Variants in COIL observed in about 807,000 individuals in gnomAD.
COIL encodes coilin.
In COIL, 28 loss-of-function variants were observed where a neutral mutation model predicts 51.6. That is an observed-to-expected ratio of 0.54 (90% CI 0.40 to 0.74). The LOEUF is 0.74. Among genes scored for constraint, COIL ranks in the 30% least tolerant of loss-of-function variants. The pLI, the probability that COIL is intolerant of heterozygous loss-of-function variation, is 0.00. For missense variants in COIL, 667 were observed against 685.9 expected, an observed-to-expected ratio of 0.97 and a Z score of 0.31; for synonymous variants, 233 against 255.8, an observed-to-expected ratio of 0.91 and a Z score of 0.85.
intron 5 of COIL, among the ~76,000 whole-genome samples, chr17:56,943,090 G>C (rs1910178371): frequency 6.6e-6 from 1 of 152,084 alleles, no homozygotes; most frequent in African/African-American, 2.4e-5. Context: ...TTCTTTGTAA[G>C]AAACTTATCA....
In COIL at chr17:56,947,322, A is replaced by G. The variant is rs544512714; in HGVS notation, c.1489-811T>C. Among the ~76,000 whole-genome samples, 3 of 152,320 alleles carry G rather than the reference A, an allele frequency of 2.0e-5. No homozygotes were observed. In the South Asian group the frequency reaches 6.2e-4, roughly 32 times the overall value. The stretch of plus-strand genomic sequence containing the variant: ...TGAATAAAGCAGATGATCAAGCTGG[A>G]TAACTGCGTTTGAGGTCAAAGCAAA... On this transcript the variant is annotated intron_variant, in intron 4 of 6. Coordinates refer to ENST00000240316, the MANE Select transcript of COIL (RefSeq NM_004645.3).
chr17:56,955,413 T>C (rs74694610), intron 1 of COIL, among the ~76,000 whole-genome samples: 4,492 of 152,278 alleles, frequency 0.029, 218 homozygotes, highest in African/African-American at 0.1. Flanking sequence ...AGTGGTATTA[T>C]CAAAATCTAA....
intron 1 of COIL, among the ~76,000 whole-genome samples, chr17:56,956,364 A>G (rs1910482569): frequency 6.6e-6 from 1 of 152,096 alleles, no homozygotes; most frequent in Admixed American, 6.6e-5. Flanking sequence ...TAAGCCTCCC[A>G]ACTAGCTGGG....
chr17:56,943,719 G>A (rs1910190430), intron 5 of COIL, among the ~76,000 whole-genome samples: 1 of 152,186 alleles, frequency 6.6e-6, no homozygotes, highest in Admixed American at 6.5e-5. Flanking sequence ...AGAGCTAGCA[G>A]TACTTCATGC....
chr17:56,953,126 A>G (rs1910404298), intron 1 of COIL, among the ~76,000 whole-genome samples: 1 of 151,866 alleles, frequency 6.6e-6, no homozygotes, highest in African/African-American at 2.4e-5. Context: ...AAATACAAAC[A>G]TCAGGCTGGG....
intron 6 of COIL, among the ~76,000 whole-genome samples, chr17:56,941,614 G>A (rs973453649): frequency 6.6e-6 from 1 of 152,134 alleles, no homozygotes; most frequent in Non-Finnish European, 1.5e-5. Flanking sequence ...GGATAGTGGT[G>A]ACAGCAAGGG....
At chr17:56,957,371 G>A (rs573075320) in intron 1 of COIL, among the ~76,000 whole-genome samples, 2 of 152,158 alleles carry the variant, frequency 1.3e-5, no homozygotes, top group Admixed American at 1.3e-4. Context: ...TGTAATCCCA[G>A]CACTTTGGGA....
intron 1 of COIL, among the ~76,000 whole-genome samples, chr17:56,952,878 A>G (rs1056071841): frequency 6.6e-6 from 1 of 152,084 alleles, no homozygotes; most frequent in African/African-American, 2.4e-5. Flanking sequence ...TAGGAAAGCA[A>G]TTTTGTTCCT....
chr17:56,940,607 A>G (rs1910126770), intron 6 of COIL, among the ~76,000 whole-genome samples: 1 of 152,170 alleles, frequency 6.6e-6, no homozygotes, highest in Non-Finnish European at 1.5e-5. Flanking sequence ...AAATCCCTAA[A>G]AGTGTCATCT....
chr17:56,940,712 A>G (rs77904877), intron 6 of COIL, among the ~76,000 whole-genome samples: 3,657 of 152,286 alleles, frequency 0.024, 154 homozygotes, highest in African/African-American at 0.084. Context: ...TTACAGAATA[A>G]TATCTATAAC....
At chr17:56,944,103 G>A (rs1268626171) in intron 5 of COIL, among the ~76,000 whole-genome samples, 1 of 151,830 alleles carries the variant, frequency 6.6e-6, no homozygotes, top group Non-Finnish European at 1.5e-5. Flanking sequence ...CTGGGCTCAA[G>A]TGATCCTCCC....
intron 6 of COIL, among the ~76,000 whole-genome samples, chr17:56,941,622 G>C (rs2144390544): frequency 1.3e-5 from 2 of 152,292 alleles, no homozygotes; most frequent in Non-Finnish European, 2.9e-5. Context: ...GTGACAGCAA[G>C]GGGACATAAT....
Position 56,946,437 on chromosome 17 carries a change from C to CCTAATT in COIL, c.1558+4_1558+5insAATTAG. ...CATTTTCAAATTATTTTCTAAAAGA[C>CCTAATT]TCACCAGGTAAGGATGAAAGAATTT... On this transcript the variant is annotated splice_donor_region_variant and intron_variant, in intron 5 of 6. Transcript: ENST00000240316. 6.3e-7 allele frequency: 1 copy of CCTAATT among 1,588,080 alleles called. No homozygotes were observed. Among genetic ancestry groups the CCTAATT allele is most frequent in the Non-Finnish European group, 8.6e-7 (1 of 1,157,700 alleles).
At chr17:56,957,465 C>CA (rs1411027003) in intron 1 of COIL, among the ~76,000 whole-genome samples, 2 of 151,294 alleles carry the variant, frequency 1.3e-5, no homozygotes, top group Non-Finnish European at 3.0e-5. Flanking sequence ...ACTAAAAATA[C>CA]AAAAAAATTA....
At position 56,942,065 on chromosome 17, in the gene COIL, T is replaced by G. The variant is rs1198327251; in HGVS notation, c.1617A>C (p.Val539=). 6.2e-7 allele frequency: 1 copy of G among 1,614,172 alleles called. No homozygotes were observed. Among genetic ancestry groups the G allele is most frequent in the Non-Finnish European group, 8.5e-7 (1 of 1,179,998 alleles). ...LVYHNENGAE[V]VEYAVTQESK... is the part of the protein sequence containing the mutation. Reference sequence around the variant, plus strand: ...TCTCCTGTGTCACAGCGTACTCCACTACCTCGGCTCCATTTTCATTGTGAT... The same window carrying G: ...TCTCCTGTGTCACAGCGTACTCCACGACCTCGGCTCCATTTTCATTGTGAT... The change falls in exon 6 of 7, where the codon GTA becomes GTC. Residue 539 remains valine, a synonymous_variant. Transcript: ENST00000240316.
intron 4 of COIL, among the ~76,000 whole-genome samples, chr17:56,948,816 TAACA>T (rs1275308987): frequency 6.7e-6 from 1 of 149,792 alleles, no homozygotes; most frequent in Non-Finnish European, 1.5e-5. Context: ...TACTAGATCA[TAACA>T]ACCAGAAGTA....
chr17:56,960,856 GC>G lies in COIL; in HGVS notation c.163del (p.Ala55ProfsTer3), dbSNP rs1567856190. The G allele has an allele frequency of 6.2e-7, 1 of 1,613,278 alleles. No individual in the cohort carries two copies. Among genetic ancestry groups the G allele is most frequent in the African/African-American group, 1.3e-5 (1 of 75,034 alleles). Reference sequence around the variant, plus strand: ...CCCCTCCAGGTAGAGGCCTAGGAAGGCCCCAGAACTGAAGCCGAAGCGCTGG... The same window carrying G: ...CCCCTCCAGGTAGAGGCCTAGGAAGGCCCAGAACTGAAGCCGAAGCGCTGG... Reference protein sequence around the residue: ...IRQRFGFSSGAFLGLYLEGGL... With the variant: ...IRQRFGFSSGXFLGLYLEGGL... On this transcript the variant is annotated frameshift_variant, in exon 1 of 7. Coordinates refer to ENST00000240316, the MANE Select transcript of COIL (RefSeq NM_004645.3). LOFTEE classifies it high-confidence loss of function.
chr17:56,940,882 C>T (rs1910132546), intron 6 of COIL, among the ~76,000 whole-genome samples: 1 of 152,038 alleles, frequency 6.6e-6, no homozygotes, highest in Admixed American at 6.6e-5. Context: ...CACGTGTAAT[C>T]CTAGCACTTT....
At chr17:56,947,221 C>T (rs1383611468) in intron 4 of COIL, among the ~76,000 whole-genome samples, 1 of 152,104 alleles carries the variant, frequency 6.6e-6, no homozygotes, top group Non-Finnish European at 1.5e-5. Flanking sequence ...CCAGACTCAA[C>T]AGGGAATCAG....
Sources: allele counts gnomAD v4.1 joint callset (sites outside exome capture counted in the v4.1 genomes callset), GRCh38; gene constraint gnomAD v4.1.1; transcripts MANE v1.5; gene names NCBI Gene and HGNC (gene_info 2026-07-23, HGNC 2026-07-21).